The following ADAMTSL1 variants were observed in gnomAD, a reference collection of about 807,000 sequenced individuals.
The protein encoded by ADAMTSL1 is ADAMTS like 1, also known as ADAMTS-like protein 1.
A neutral mutation model predicts 201.8 loss-of-function variants in ADAMTSL1; 126 were observed. The observed-to-expected ratio is 0.62, with a 90% CI of 0.54 to 0.72. The LOEUF (loss-of-function observed/expected upper bound fraction) is 0.72, where lower values mean the gene tolerates loss of function less well. Among genes scored for constraint, ADAMTSL1 ranks in the 30% least tolerant of loss-of-function variants. ADAMTSL1 has a pLI of 0.00. For synonymous variants in ADAMTSL1, 1,121 were observed against 903.4 expected, an observed-to-expected ratio of 1.24 and a Z score of -4.32; for missense variants, 2,679 against 2,277.8, an observed-to-expected ratio of 1.18 and a Z score of -3.59.
intron 1 of ADAMTSL1, among the ~76,000 whole-genome samples, chr9:17,972,357 C>T (rs1818243108): frequency 7.7e-6 from 1 of 129,728 alleles, no homozygotes; most frequent in Non-Finnish European, 1.6e-5. Flanking sequence ...TGTTCCCCTT[C>T]CTGTGTCCAT....
chr9:18,240,116 G>A (rs1393437278), intron 2 of ADAMTSL1, among the ~76,000 whole-genome samples: 1 of 152,080 alleles, frequency 6.6e-6, no homozygotes, highest in Non-Finnish European at 1.5e-5. Flanking sequence ...TCCACTTACT[G>A]TACCCAGATC....
chr9:18,586,997 G>A (rs994359238), intron 4 of ADAMTSL1, among the ~76,000 whole-genome samples: 1 of 151,774 alleles, frequency 6.6e-6, no homozygotes, highest in African/African-American at 2.4e-5. Context: ...AAAAAAAACT[G>A]TGGAAGACAA....
In ADAMTSL1 at chr9:18,886,263, CAG is replaced by C. The variant is rs374710991; in HGVS notation, c.4250-1566_4250-1565del. ...AAGTATATACATACATACACACACACAGAAATTATCTGGACATGGTGGTGCAC... is the reference window on the plus strand; with the variant it reads ...AAGTATATACATACATACACACACACAAATTATCTGGACATGGTGGTGCAC... On this transcript the variant is annotated intron_variant, in intron 23 of 28. Transcript: ENST00000380548. Among the ~76,000 whole-genome samples the C allele has an allele frequency of 2.1e-3, 303 of 146,950 alleles. 2 individuals are homozygous for C. The highest frequency in any genetic ancestry group is 6.8e-3 in the African/African-American group (274 of 40,050).
intron 3 of ADAMTSL1, among the ~76,000 whole-genome samples, chr9:18,552,924 A>G (rs1820873599): frequency 6.6e-6 from 1 of 151,440 alleles, no homozygotes; most frequent in Non-Finnish European, 1.5e-5. Flanking sequence ...TTTAATGTAA[A>G]TATTTTTAAT....
intron 23 of ADAMTSL1, among the ~76,000 whole-genome samples, chr9:18,846,761 A>G (rs1216144776): frequency 6.6e-6 from 1 of 152,172 alleles, no homozygotes; most frequent in Non-Finnish European, 1.5e-5. Context: ...GTGGAAAAAA[A>G]TGGACAGAAG....
chr9:18,063,076 C>A (rs1822532367), intron 1 of ADAMTSL1, among the ~76,000 whole-genome samples: 1 of 152,122 alleles, frequency 6.6e-6, no homozygotes, highest in African/African-American at 2.4e-5. Flanking sequence ...TGTCTGTAAT[C>A]CTGGTGAATT....
chr9:18,118,180 A>C (rs995910160), intron 1 of ADAMTSL1, among the ~76,000 whole-genome samples: 5 of 152,216 alleles, frequency 3.3e-5, no homozygotes, highest in Admixed American at 1.3e-4. Flanking sequence ...TCTTGATTAA[A>C]AAGAGCCGTA....
chr9:18,556,178 A>T (rs1335558701), intron 3 of ADAMTSL1, among the ~76,000 whole-genome samples: 1 of 151,840 alleles, frequency 6.6e-6, no homozygotes, highest in Non-Finnish European at 1.5e-5. Context: ...TCTGTCCAGA[A>T]GTAATTGTCC....
chr9:18,103,939 A>C (rs1229855069), intron 1 of ADAMTSL1, among the ~76,000 whole-genome samples: 1 of 152,196 alleles, frequency 6.6e-6, no homozygotes, highest in Non-Finnish European at 1.5e-5. Context: ...GTGATGTATT[A>C]GCATATTGAA....
intron 1 of ADAMTSL1, among the ~76,000 whole-genome samples, chr9:18,477,944 G>C (rs1821537086): frequency 3.3e-5 from 5 of 152,154 alleles, no homozygotes; most frequent in Non-Finnish European, 5.9e-5. Context: ...GTTACACCAG[G>C]AAAGTTTTTC....
chr9:18,194,915 A>G (rs1244163539), intron 2 of ADAMTSL1, among the ~76,000 whole-genome samples: 1 of 152,104 alleles, frequency 6.6e-6, no homozygotes, highest in Non-Finnish European at 1.5e-5. Flanking sequence ...GGTGACACAC[A>G]AGATACATCT....
intron 1 of ADAMTSL1, among the ~76,000 whole-genome samples, chr9:18,155,994 G>T (rs1025714248): frequency 6.6e-6 from 1 of 152,000 alleles, no homozygotes; most frequent in African/African-American, 2.4e-5. Flanking sequence ...ATCTTTTGTG[G>T]AGAGAGGGAA....
At chr9:18,862,802 G>T (rs1287994903) in intron 23 of ADAMTSL1, among the ~76,000 whole-genome samples, 2 of 152,170 alleles carry the variant, frequency 1.3e-5, no homozygotes, top group Non-Finnish European at 2.9e-5. Context: ...CCTCCTGCAG[G>T]CCAGGTGGCA....
chr9:17,928,781 C>T (rs1826658602), intron 1 of ADAMTSL1, among the ~76,000 whole-genome samples: 1 of 152,090 alleles, frequency 6.6e-6, no homozygotes, highest in Admixed American at 6.6e-5. Flanking sequence ...ATTTTTTGTG[C>T]ATCTGACCCA....
chr9:18,824,679 G>A (rs10963783), intron 21 of ADAMTSL1, among the ~76,000 whole-genome samples: 12,008 of 147,890 alleles, frequency 0.081, 607 homozygotes, highest in East Asian at 0.27. Context: ...CCCATTTCCC[G>A]GGACTTGACC....
chr9:18,533,292 G>A lies in ADAMTSL1; in HGVS notation c.237G>A (p.Val79=). Reference sequence around the variant, plus strand: ...TCCGATACAGAACATGCAGTAATGTGGTAAGTATAAGGTTCTGAGATTGTA... The same window carrying A: ...TCCGATACAGAACATGCAGTAATGTAGTAAGTATAAGGTTCTGAGATTGTA... ...RNIRYRTCSN[V]DCPPEAGDFR... The change falls in exon 3 of 29, where the codon GTG becomes GTA. Residue 79 remains valine, a splice_region_variant and synonymous_variant. Transcript: ENST00000380548. 6.2e-7 allele frequency: 1 copy of A among 1,607,416 alleles called. No individual in the cohort carries two copies. Among genetic ancestry groups the A allele is most frequent in the Non-Finnish European group, 8.5e-7 (1 of 1,176,732 alleles).
intron 1 of ADAMTSL1, among the ~76,000 whole-genome samples, chr9:17,907,739 G>A (rs900572095): frequency 6.6e-6 from 1 of 152,148 alleles, no homozygotes; most frequent in Non-Finnish European, 1.5e-5. Context: ...AAGAGGGCAG[G>A]GGTCCAGGGT....
intron 16 of ADAMTSL1, among the ~76,000 whole-genome samples, chr9:18,757,299 ATCCTCCTCC>A (rs141290322): frequency 6.6e-6 from 1 of 150,916 alleles, no homozygotes; most frequent in African/African-American, 2.4e-5. Flanking sequence ...ACTCATCATC[ATCCTCCTCC>A]TCCTCCTCCT....
chr9:18,794,632 T>TTTG (rs200608547), intron 19 of ADAMTSL1, among the ~76,000 whole-genome samples: 22,339 of 148,890 alleles, frequency 0.15, 1,898 homozygotes, highest in Admixed American at 0.25. Flanking sequence ...TGTTGTTTTT[T>TTTG]TTTGTTGTTG....
Sources: gnomAD v4.1 joint callset for allele counts (sites outside exome capture counted in the v4.1 genomes callset) on GRCh38, gnomAD v4.1.1 for gene constraint, MANE v1.5 for transcripts, NCBI Gene and HGNC (gene_info 2026-07-23, HGNC 2026-07-21) for gene names.